The following SORCS2 variants were observed in gnomAD, a reference collection of about 807,000 sequenced individuals.
SORCS2 encodes VPS10 domain-containing receptor SorCS2.
Under a neutral mutation model 141.6 loss-of-function variants are expected in SORCS2, and 100 were observed. The ratio of observed to expected loss-of-function variants is 0.71; its 90% CI spans 0.60 to 0.83. The LOEUF (loss-of-function observed/expected upper bound fraction) is 0.83. Ranked by LOEUF, SORCS2 falls within the 40% of genes least tolerant of loss-of-function variation. The pLI is 0.00. For synonymous variants in SORCS2, 789 were observed against 676.9 expected, an observed-to-expected ratio of 1.17 and a Z score of -2.57; for missense variants, 1,646 against 1,560.2, an observed-to-expected ratio of 1.05 and a Z score of -0.93.
chr4:7,598,898 C>T (rs1022334456), intron 3 of SORCS2, among the ~76,000 whole-genome samples: 1 of 152,186 alleles, frequency 6.6e-6, no homozygotes, highest in African/African-American at 2.4e-5. Context: ...TGCCGCAGCA[C>T]GAGGAGCCCT....
At chr4:7,448,063 G>C (rs1387293130) in intron 2 of SORCS2, among the ~76,000 whole-genome samples, 1 of 152,192 alleles carries the variant, frequency 6.6e-6, no homozygotes, top group Non-Finnish European at 1.5e-5. Flanking sequence ...TCTTCACCCT[G>C]TGTTACGTCC....
intron 3 of SORCS2, among the ~76,000 whole-genome samples, chr4:7,588,802 T>C (rs975534154): frequency 3.3e-5 from 5 of 152,272 alleles, no homozygotes; most frequent in African/African-American, 9.6e-5. Flanking sequence ...GTGCAGTGAA[T>C]GCTCACATCA....
chr4:7,223,765 G>A (rs1287109608), intron 1 of SORCS2, among the ~76,000 whole-genome samples: 1 of 152,156 alleles, frequency 6.6e-6, no homozygotes, highest in African/African-American at 2.4e-5. Context: ...AGGGCATCTG[G>A]GAAGATGCCT....
intron 3 of SORCS2, among the ~76,000 whole-genome samples, chr4:7,556,704 CCATCCACCATT>C (rs1485593026): frequency 1.6e-4 from 25 of 151,858 alleles, no homozygotes; most frequent in Admixed American, 4.6e-4. Flanking sequence ...TTCCACCTAC[CCATCCACCATT>C]CATCCACCCA....
chr4:7,512,510 C>T (rs1286316333), intron 2 of SORCS2, among the ~76,000 whole-genome samples: 1 of 152,064 alleles, frequency 6.6e-6, no homozygotes, highest in Non-Finnish European at 1.5e-5. Context: ...GCAAGGAACC[C>T]TTAGTGCCAC....
intron 2 of SORCS2, among the ~76,000 whole-genome samples, chr4:7,407,282 A>G (rs1220614739): frequency 1.3e-5 from 2 of 152,060 alleles, no homozygotes; most frequent in African/African-American, 4.8e-5. Flanking sequence ...AGGAGTGTTA[A>G]AGTCCCCTGC....
intron 1 of SORCS2, among the ~76,000 whole-genome samples, chr4:7,350,335 A>G (rs900301528): frequency 6.6e-6 from 1 of 152,168 alleles, no homozygotes; most frequent in African/African-American, 2.4e-5. Flanking sequence ...CAGTCAGGCC[A>G]CCTCCCGTTA....
intron 2 of SORCS2, among the ~76,000 whole-genome samples, chr4:7,519,103 C>T (rs1326215336): frequency 3.3e-5 from 5 of 152,154 alleles, no homozygotes; most frequent in Non-Finnish European, 5.9e-5. Context: ...GCGGAGGGCT[C>T]GCAGAGCAGC....
chr4:7,418,708 C>A (rs1725852781), intron 2 of SORCS2, among the ~76,000 whole-genome samples: 1 of 115,826 alleles, frequency 8.6e-6, no homozygotes, highest in Admixed American at 8.7e-5. Context: ...AATGACCCCC[C>A]CCCCCACCAG....
intron 1 of SORCS2, among the ~76,000 whole-genome samples, chr4:7,255,764 A>AG (rs1029133137): frequency 6.6e-6 from 1 of 152,136 alleles, no homozygotes; most frequent in Non-Finnish European, 1.5e-5. Flanking sequence ...CAGACAGGCC[A>AG]GGGCATGCCC....
rs551837098 is a variant in SORCS2 at position 7,277,774 on chromosome 4, G to A, written c.480+84648G>A. Among the ~76,000 whole-genome samples, 5 of 152,290 alleles carry A rather than the reference G, an allele frequency of 3.3e-5. No individual in the cohort carries two copies. The East Asian group carries it at 5.8e-4, about 18-fold the overall frequency. ...CAGAGCCAGCCTGCCTACCGTGCCCGTCCTCCTGCAGAGCGCTGGGTGCAG... is the reference window on the plus strand; with the variant it reads ...CAGAGCCAGCCTGCCTACCGTGCCCATCCTCCTGCAGAGCGCTGGGTGCAG... On this transcript the variant is annotated intron_variant, in intron 1 of 26. Transcript: ENST00000507866.
At chr4:7,237,638 G>A (rs1227465566) in intron 1 of SORCS2, among the ~76,000 whole-genome samples, 2 of 152,124 alleles carry the variant, frequency 1.3e-5, no homozygotes, top group African/African-American at 4.8e-5. Flanking sequence ...AAGCAGACGG[G>A]ATTCTATGTC....
chr4:7,213,462 C>T (rs1480869559), intron 1 of SORCS2, among the ~76,000 whole-genome samples: 2 of 152,130 alleles, frequency 1.3e-5, no homozygotes, highest in African/African-American at 4.8e-5. Flanking sequence ...GCAAATGGTG[C>T]AGACCACCGA....
At chr4:7,210,496 G>A (rs1388356157) in intron 1 of SORCS2, among the ~76,000 whole-genome samples, 1 of 152,166 alleles carries the variant, frequency 6.6e-6, no homozygotes, top group East Asian at 1.9e-4. Context: ...GCCCAGGCTG[G>A]TGTTGAACTC....
chr4:7,621,559 GTGTC>G (rs1267213817), intron 3 of SORCS2, among the ~76,000 whole-genome samples: 2 of 152,018 alleles, frequency 1.3e-5, no homozygotes, highest in Admixed American at 6.6e-5. Context: ...GTGTGTTTGT[GTGTC>G]TGTGTGTGTA....
At chr4:7,318,203 C>T (rs1365993013) in intron 1 of SORCS2, among the ~76,000 whole-genome samples, 1 of 152,180 alleles carries the variant, frequency 6.6e-6, no homozygotes, top group Non-Finnish European at 1.5e-5. Context: ...ACTTTACAGA[C>T]AGGGAAACCA....
intron 8 of SORCS2, among the ~76,000 whole-genome samples, chr4:7,674,356 G>A (rs542522750): frequency 3.3e-5 from 5 of 152,070 alleles, no homozygotes; most frequent in East Asian, 3.9e-4. Context: ...GGCGGATCAC[G>A]AGTTCAGGAG....
chr4:7,585,424 C>A (rs1163837055), intron 3 of SORCS2, among the ~76,000 whole-genome samples: 1 of 152,188 alleles, frequency 6.6e-6, no homozygotes, highest in Non-Finnish European at 1.5e-5. Context: ...GCCTCTGGGG[C>A]CCTCAGGAGG....
chr4:7,455,019 CAG>C (rs1728787743), intron 2 of SORCS2, among the ~76,000 whole-genome samples: 1 of 105,880 alleles, frequency 9.4e-6, no homozygotes, highest in Non-Finnish European at 1.9e-5. Context: ...TAGGGTCAGG[CAG>C]TGTGTTGGGG....
Sources: gnomAD v4.1 joint callset for allele counts (sites outside exome capture counted in the v4.1 genomes callset) on GRCh38, gnomAD v4.1.1 for gene constraint, MANE v1.5 for transcripts, NCBI Gene and HGNC (gene_info 2026-07-23, HGNC 2026-07-21) for gene names.